The following MTMR6 variants were observed in gnomAD, a reference collection of about 807,000 sequenced individuals.
MTMR6 encodes phosphatidylinositol-3,5-bisphosphate 3-phosphatase MTMR6.
MTMR6 carries 47 observed loss-of-function variants against 80.1 expected under a neutral mutation model. That is an observed-to-expected ratio of 0.59 (90% CI 0.46 to 0.75). MTMR6 has a LOEUF of 0.75. Among genes scored for constraint, MTMR6 ranks in the 30% least tolerant of loss-of-function variants. MTMR6 has a pLI of 0.00. For missense variants in MTMR6, 629 were observed against 730.9 expected, an observed-to-expected ratio of 0.86 and a Z score of 1.61; for synonymous variants, 254 against 253.0, an observed-to-expected ratio of 1.00 and a Z score of -0.04.
intron 9 of MTMR6, among the ~76,000 whole-genome samples, chr13:25,256,009 C>T (rs2137532341): frequency 6.6e-6 from 1 of 152,328 alleles, no homozygotes; most frequent in East Asian, 1.9e-4. Context: ...TTTTAAAAAG[C>T]ACATCTAATC....
At chr13:25,275,128 TA>T (rs750030248) in intron 1 of MTMR6, among the ~76,000 whole-genome samples, 1 of 152,076 alleles carries the variant, frequency 6.6e-6, no homozygotes, top group Non-Finnish European at 1.5e-5. Context: ...ACTACCAACC[TA>T]AAAAATGTTA....
Position 25,257,318 on chromosome 13 carries a change from T to A in MTMR6, c.973A>T (p.Ile325Leu), listed in dbSNP as rs758487623. The A allele has an allele frequency of 6.2e-7, 1 of 1,613,538 alleles. No individual in the cohort carries two copies. The highest frequency in any genetic ancestry group is 2.2e-5 in the East Asian group (1 of 44,864). ...MDAAIFLAKA[I>L]TVENASVLVH... Reference sequence around the variant, plus strand: ...AACACACTTGCATTTTCAACTGTTATTGCCTGAAAAGAAAGATCACATACA... The same window carrying A: ...AACACACTTGCATTTTCAACTGTTAATGCCTGAAAAGAAAGATCACATACA... The change falls in exon 9 of 14, where the codon ATA becomes TTA. Residue 325 changes from isoleucine to leucine, a missense_variant. Ile to Leu is a conservative substitution (Grantham distance 5, BLOSUM62 2). Transcript: ENST00000381801.
chr13:25,276,133 C>T (rs1166650397), intron 1 of MTMR6, among the ~76,000 whole-genome samples: 1 of 152,144 alleles, frequency 6.6e-6, no homozygotes, highest in Non-Finnish European at 1.5e-5. Flanking sequence ...GGAAAGGGCA[C>T]TGTGGCCAAC....
chr13:25,281,492 T>A (rs1027459357), intron 1 of MTMR6, among the ~76,000 whole-genome samples: 1 of 151,336 alleles, frequency 6.6e-6, no homozygotes, highest in Admixed American at 6.6e-5. Flanking sequence ...ACAAACAGAA[T>A]CACATTCAGA....
chr13:25,284,875 A>G (rs1336915388), intron 1 of MTMR6, among the ~76,000 whole-genome samples: 2 of 152,242 alleles, frequency 1.3e-5, no homozygotes, highest in Non-Finnish European at 2.9e-5. Context: ...GTGTCAATAC[A>G]GTGTCTGGCA....
At chr13:25,266,308 A>T in intron 3 of MTMR6, 22 bp from the exon 4 acceptor site, 1 of 1,576,816 alleles carries the variant, frequency 6.3e-7, no homozygotes, top group Non-Finnish European at 8.7e-7. Context: ...AAAATTTTAA[A>T]TGTTAAGTGC....
intron 11 of MTMR6, among the ~76,000 whole-genome samples, chr13:25,252,770 C>G (rs1353835580): frequency 6.6e-6 from 1 of 152,168 alleles, no homozygotes; most frequent in African/African-American, 2.4e-5. Context: ...TTATAATAAA[C>G]TATTTTGAAT....
At chr13:25,277,732 GT>G (rs908596634) in intron 1 of MTMR6, among the ~76,000 whole-genome samples, 21 of 151,890 alleles carry the variant, frequency 1.4e-4, no homozygotes, top group Admixed American at 9.8e-4. Context: ...TTGGTTTTGG[GT>G]TTTTTTTCTG....
chr13:25,257,869 C>T (rs1957249368), intron 7 of MTMR6, 24 bp from the exon 8 acceptor site: 2 of 1,516,112 alleles, frequency 1.3e-6, no homozygotes, highest in South Asian at 1.1e-5. Flanking sequence ...AAAAATATTT[C>T]AATTAGAATA....
At chr13:25,279,951 T>C (rs1478032085) in intron 1 of MTMR6, among the ~76,000 whole-genome samples, 1 of 152,090 alleles carries the variant, frequency 6.6e-6, no homozygotes, top group Non-Finnish European at 1.5e-5. Context: ...ATCATTCCAG[T>C]GTGAATGTGG....
At position 25,266,270 on chromosome 13, in the gene MTMR6, G is replaced by C; in HGVS notation, c.321C>G (p.Leu107=). 6.2e-7 allele frequency: 1 copy of C among 1,611,610 alleles called. No individual in the cohort carries two copies. The highest frequency in any genetic ancestry group is 8.5e-7 in the Non-Finnish European group (1 of 1,177,940). ...GTTTGGGATTATAAGAAAATGCATA[G>C]AGATCTTCATATTTTGCTACAGAAT... ...QLSKQAKYED[L]YAFSYNPKQN... is the part of the protein sequence containing the mutation. The change falls in exon 4 of 14, where the codon CTC becomes CTG. Residue 107 remains leucine (L), a synonymous_variant. Transcript: ENST00000381801.
Position 25,253,653 on chromosome 13 carries a change from T to C in MTMR6, c.1346+111A>G. The C allele has an allele frequency of 4.2e-6, 4 of 960,456 alleles. No individual in the cohort carries two copies. In the South Asian group the frequency reaches 7.0e-5, roughly 17 times the overall value. 59.5% of individuals were successfully genotyped at this position (960,456 alleles called of 1,614,324 possible). On this transcript the variant is annotated intron_variant, in intron 11 of 13. Transcript: ENST00000381801. ...TTAGAAATACAAAAAATAAAATCTT[T>C]ACAATAAACTTTCAAATTGTCAAGA...
chr13:25,265,910 C>T lies in MTMR6; in HGVS notation c.500G>A (p.Arg167Gln), dbSNP rs759255438. Residue 167 changes from arginine to glutamine, a missense_variant, in exon 5 of 14, where the codon CGG (arginine) becomes CAG (glutamine). Transcript: ENST00000381801. ...AACAATTATTGGTTTGCTTGCTATC[C>T]GGGGAACATAAAGTTCTCTGGGGTA... Reference protein sequence around the residue: ...ETYPRELYVPRIASKPIIVGS... With the variant: ...ETYPRELYVPQIASKPIIVGS... The T allele has an allele frequency of 3.7e-6, 6 of 1,613,840 alleles. No homozygotes were observed. Among genetic ancestry groups the T allele is most frequent in the East Asian group, 2.2e-5 (1 of 44,892 alleles).
rs186529043 is a variant in MTMR6, at chr13:25,271,468, T to C, written c.141+2603A>G. Among the ~76,000 whole-genome samples the C allele has an allele frequency of 3.4e-3, 524 of 152,292 alleles. 9 individuals are homozygous for C. Among genetic ancestry groups the C allele is most frequent in the African/African-American group, 0.012 (505 of 41,560 alleles). ...TCTACGTGAGCTCATTTTACTACTCTACACTGCCTGTGTAACAATGAATGA... is the reference window on the plus strand; with the variant it reads ...TCTACGTGAGCTCATTTTACTACTCCACACTGCCTGTGTAACAATGAATGA... On this transcript the variant is annotated intron_variant, in intron 2 of 13. Transcript: ENST00000381801.
chr13:25,249,469 C>T lies in MTMR6; in HGVS notation c.1629G>A (p.Lys543=). 1 of 1,613,240 alleles carries T rather than the reference C, an allele frequency of 6.2e-7. No individual in the cohort carries two copies. The highest frequency in any genetic ancestry group is 8.5e-7 in the Non-Finnish European group (1 of 1,179,474). ...LESKIKQRKN[K]QTDGILTKEL... ...CCTTGGTGAGGATGCCATCTGTTTGCTTATTTTTGCGTTGTTTAATTTTCT... is the reference window on the plus strand; with the variant it reads ...CCTTGGTGAGGATGCCATCTGTTTGTTTATTTTTGCGTTGTTTAATTTTCT... Residue 543 remains lysine, a synonymous_variant, in exon 14 of 14, where the codon AAG becomes AAA. Transcript: ENST00000381801.
chr13:25,275,320 G>T (rs749092584), intron 1 of MTMR6, among the ~76,000 whole-genome samples: 2 of 152,018 alleles, frequency 1.3e-5, no homozygotes, highest in Non-Finnish European at 2.9e-5. Flanking sequence ...TACTTGGGAG[G>T]CTGAGGCAGG....
intron 8 of MTMR6, 114 bp downstream of exon 8, chr13:25,257,622 G>C: frequency 2.7e-6 from 2 of 743,486 alleles, no homozygotes; most frequent in South Asian, 2.1e-5. Context: ...TCATTAAAGA[G>C]GTAAAAAATA....
At chr13:25,257,360 G>C in intron 8 of MTMR6, 39 bp from the exon 9 acceptor site, 6 of 1,601,770 alleles carry the variant, frequency 3.7e-6, no homozygotes, top group Non-Finnish European at 5.1e-6. Flanking sequence ...CGTACTTTAA[G>C]GTAAACCAAT....
chr13:25,266,985 C>T (rs1206260303), intron 3 of MTMR6, among the ~76,000 whole-genome samples: 1 of 152,194 alleles, frequency 6.6e-6, no homozygotes, highest in Non-Finnish European at 1.5e-5. Context: ...TTTAGTGGCT[C>T]ATGCCTGCAA....
Sources: gnomAD v4.1 joint callset for allele counts (sites outside exome capture counted in the v4.1 genomes callset) on GRCh38, gnomAD v4.1.1 for gene constraint, MANE v1.5 for transcripts, NCBI Gene and HGNC (gene_info 2026-07-23, HGNC 2026-07-21) for gene names.